SYT1: variants seen among roughly 807,000 people sequenced by gnomAD.
SYT1 encodes the protein synaptotagmin 1.
In SYT1, 8 loss-of-function variants were observed where a neutral mutation model predicts 44.8. That is an observed-to-expected ratio of 0.18 (90% CI 0.10 to 0.32). The LOEUF (loss-of-function observed/expected upper bound fraction) is 0.32. Among genes scored for constraint, SYT1 ranks in the 10% least tolerant of loss-of-function variants. The pLI, the probability that SYT1 is intolerant of heterozygous loss-of-function variation, is 1.00. For missense variants in SYT1, 286 were observed against 509.3 expected (o/e 0.56, Z 4.22); for synonymous variants, 154 against 188.8 (o/e 0.82, Z 1.51).
intron 3 of SYT1, among the ~76,000 whole-genome samples, chr12:79,053,449 T>G (rs1211518472): frequency 6.6e-6 from 1 of 151,844 alleles, no homozygotes; most frequent in Non-Finnish European, 1.5e-5. Context: ...ACGGCACATG[T>G]ATACATATGT....
chr12:79,119,617 C>T (rs1391206298), intron 3 of SYT1, among the ~76,000 whole-genome samples: 1 of 152,066 alleles, frequency 6.6e-6, no homozygotes, highest in East Asian at 1.9e-4. Context: ...CTGACCCAGT[C>T]TTACAAAAAT....
intron 1 of SYT1, among the ~76,000 whole-genome samples, chr12:78,929,029 A>C (rs1877465278): frequency 6.6e-6 from 1 of 152,154 alleles, no homozygotes; most frequent in South Asian, 2.1e-4. Flanking sequence ...TTAACTAAAA[A>C]AAAGATGGTA....
At chr12:79,411,775 A>T (rs190370672) in intron 9 of SYT1, among the ~76,000 whole-genome samples, 17 of 152,254 alleles carry the variant, frequency 1.1e-4, no homozygotes, top group Admixed American at 5.9e-4. Context: ...GTTGATTTTC[A>T]TATACACATG....
intron 1 of SYT1, among the ~76,000 whole-genome samples, chr12:78,964,799 C>T (rs1232715902): frequency 1.3e-5 from 2 of 151,970 alleles, no homozygotes; most frequent in Non-Finnish European, 2.9e-5. Flanking sequence ...AAAGAAAAAA[C>T]ATTTGAGCCT....
chr12:79,353,971 C>G (rs1048258608), intron 9 of SYT1, among the ~76,000 whole-genome samples: 3 of 152,062 alleles, frequency 2.0e-5, no homozygotes, highest in African/African-American at 4.8e-5. Flanking sequence ...AAAATTCACC[C>G]ACGATATAAA....
chr12:79,071,958 T>G (rs900070358), intron 3 of SYT1, among the ~76,000 whole-genome samples: 1 of 152,134 alleles, frequency 6.6e-6, no homozygotes, highest in Admixed American at 6.6e-5. Flanking sequence ...CTTACTCAGC[T>G]AGGTGCTCAT....
chr12:79,175,221 A>C (rs531518652), intron 3 of SYT1, among the ~76,000 whole-genome samples: 1 of 152,220 alleles, frequency 6.6e-6, no homozygotes, highest in South Asian at 2.1e-4. Context: ...ACACAATGGA[A>C]AATAACATCT....
At chr12:79,172,969 CAAAAAAAAAAAAAAAAAAAAA>C (rs200575966) in intron 3 of SYT1, among the ~76,000 whole-genome samples, 8 of 15,728 alleles carry the variant, frequency 5.1e-4, no homozygotes, top group South Asian at 6.8e-3. Context: ...TTCCTGCTCT[CAAAAAAAAAAAAAAAAAAAAA>C]AAAAAAAAAA....
At chr12:79,133,399 T>C (rs1250435104) in intron 3 of SYT1, among the ~76,000 whole-genome samples, 1 of 151,774 alleles carries the variant, frequency 6.6e-6, no homozygotes, top group Non-Finnish European at 1.5e-5. Context: ...ACAAAAAAAC[T>C]ACAAGAGAAG....
chr12:79,152,784 T>C (rs952319630), intron 3 of SYT1, among the ~76,000 whole-genome samples: 1 of 151,124 alleles, frequency 6.6e-6, no homozygotes, highest in Non-Finnish European at 1.5e-5. Flanking sequence ...AGGGGTATTA[T>C]AGAAATTTTT....
intron 3 of SYT1, among the ~76,000 whole-genome samples, chr12:79,084,080 A>G (rs1463029497): frequency 1.3e-5 from 2 of 152,140 alleles, no homozygotes; most frequent in Non-Finnish European, 2.9e-5. Flanking sequence ...GGTGTGGAGC[A>G]GTTCAGATGT....
chr12:79,286,577 C>A (rs1377544046), intron 5 of SYT1, among the ~76,000 whole-genome samples: 2 of 152,058 alleles, frequency 1.3e-5, no homozygotes, highest in African/African-American at 4.8e-5. Flanking sequence ...AGACAAAATT[C>A]TCATTTCAAT....
chr12:79,320,011 T>A (rs1168527199), intron 8 of SYT1, among the ~76,000 whole-genome samples: 4 of 152,206 alleles, frequency 2.6e-5, no homozygotes, highest in Non-Finnish European at 2.9e-5. Context: ...ATATGAGAAA[T>A]GTCTTTGCAA....
chr12:79,288,688 CAG>C (rs1270948618), intron 5 of SYT1, among the ~76,000 whole-genome samples: 7 of 152,130 alleles, frequency 4.6e-5, no homozygotes, highest in African/African-American at 1.7e-4. Flanking sequence ...ACTAACCAGA[CAG>C]AGGGAAAATA....
chr12:79,310,734 C>T (rs182655466), intron 8 of SYT1, among the ~76,000 whole-genome samples: 6,701 of 152,206 alleles, frequency 0.044, 169 homozygotes, highest in African/African-American at 0.054. Flanking sequence ...CCTTCACGTC[C>T]CTCGTAAGTT....
At chr12:78,940,857 G>A (rs181548506) in intron 1 of SYT1, among the ~76,000 whole-genome samples, 24 of 152,126 alleles carry the variant, frequency 1.6e-4, no homozygotes, top group East Asian at 1.4e-3. Context: ...GTAAGGTGTC[G>A]AGTTAGATTA....
At chr12:78,880,602 A>G (rs749528427) in intron 1 of SYT1, among the ~76,000 whole-genome samples, 6 of 151,604 alleles carry the variant, frequency 4.0e-5, no homozygotes, top group Non-Finnish European at 8.9e-5. Flanking sequence ...GAATAAATGA[A>G]CTGTGAATTG....
At chr12:79,080,685 A>G (rs1484456610) in intron 3 of SYT1, among the ~76,000 whole-genome samples, 1 of 152,212 alleles carries the variant, frequency 6.6e-6, no homozygotes, top group Admixed American at 6.6e-5. Context: ...ATTAGCAGCA[A>G]TTACACCAGA....
At chr12:79,088,466 T>A (rs1210961748) in intron 3 of SYT1, among the ~76,000 whole-genome samples, 1 of 152,030 alleles carries the variant, frequency 6.6e-6, no homozygotes. Flanking sequence ...CTGGCTTTCA[T>A]GCAGTTTAAA....
Sources: gnomAD v4.1 joint callset for allele counts (sites outside exome capture counted in the v4.1 genomes callset) on GRCh38, gnomAD v4.1.1 for gene constraint, MANE v1.5 for transcripts, NCBI Gene and HGNC (gene_info 2026-07-23, HGNC 2026-07-21) for gene names.